The following PPFIA2 variants were observed in gnomAD, a reference collection of about 807,000 sequenced individuals.
PPFIA2 encodes the protein liprin-alpha-2.
A neutral mutation model predicts 175.5 loss-of-function variants in PPFIA2; 46 were observed. The observed-to-expected ratio is 0.26, with a 90% CI of 0.21 to 0.34. PPFIA2 has a LOEUF of 0.34. Ranked by LOEUF, PPFIA2 falls within the 10% of genes least tolerant of loss-of-function variation. PPFIA2 has a pLI of 1.00. For synonymous variants in PPFIA2, 568 were observed against 511.4 expected, an observed-to-expected ratio of 1.11 and a Z score of -1.49; for missense variants, 1,179 against 1,506.1, an observed-to-expected ratio of 0.78 and a Z score of 3.60.
chr12:81,591,885 C>A (rs890834622), intron 4 of PPFIA2, among the ~76,000 whole-genome samples: 1 of 151,876 alleles, frequency 6.6e-6, no homozygotes, highest in Admixed American at 6.6e-5. Context: ...TACTGGGGAA[C>A]CACCATTGCT....
intron 6 of PPFIA2, among the ~76,000 whole-genome samples, chr12:81,445,213 G>C (rs796700822): frequency 6.0e-5 from 8 of 132,666 alleles, no homozygotes; most frequent in Non-Finnish European, 9.6e-5. Context: ...AGGTGGGGGG[G>C]GGGGAGGGGG....
chr12:81,284,421 C>G, intron 24 of PPFIA2, 118 bp from the exon 25 acceptor site: 1 of 724,220 alleles, frequency 1.4e-6, no homozygotes, highest in Non-Finnish European at 2.4e-6. Flanking sequence ...TGCCCTTGCC[C>G]CTACCGTGTG....
chr12:81,691,127 G>C (rs915820913), intron 3 of PPFIA2, among the ~76,000 whole-genome samples: 7 of 152,032 alleles, frequency 4.6e-5, no homozygotes, highest in Admixed American at 1.3e-4. Flanking sequence ...CTACCACAAG[G>C]GGTAATTAAA....
At chr12:81,594,682 G>A (rs1882532) in intron 4 of PPFIA2, among the ~76,000 whole-genome samples, 134,408 of 152,134 alleles carry the variant, frequency 0.88, 59,492 homozygotes, top group East Asian at 1. Context: ...TGGGAGGCCA[G>A]TGTTGGAGGA....
intron 3 of PPFIA2, among the ~76,000 whole-genome samples, chr12:81,697,519 A>AATATG (rs1469656059): frequency 6.6e-6 from 1 of 152,130 alleles, no homozygotes; most frequent in Non-Finnish European, 1.5e-5. Flanking sequence ...CAGCTAAAAA[A>AATATG]TCTATACAGG....
intron 3 of PPFIA2, among the ~76,000 whole-genome samples, chr12:81,698,283 G>A (rs1241822435): frequency 1.3e-5 from 2 of 152,100 alleles, no homozygotes; most frequent in African/African-American, 4.8e-5. Flanking sequence ...GTAAAACCAT[G>A]AGGGTTTTGT....
intron 3 of PPFIA2, among the ~76,000 whole-genome samples, chr12:81,705,214 C>G (rs1286981784): frequency 1.3e-5 from 2 of 150,656 alleles, no homozygotes; most frequent in Non-Finnish European, 3.0e-5. Flanking sequence ...GTTTGGGAGG[C>G]CGAGGCGGGC....
chr12:81,458,263 C>T (rs539127986), intron 4 of PPFIA2, among the ~76,000 whole-genome samples: 5 of 151,766 alleles, frequency 3.3e-5, no homozygotes, highest in South Asian at 2.1e-4. Context: ...TCAGAACAAC[C>T]GCAAAAAACC....
chr12:81,341,314 A>G (rs1268324336), intron 19 of PPFIA2, 106 bp from the exon 20 acceptor site: 52 of 1,130,856 alleles, frequency 4.6e-5, no homozygotes, highest in Non-Finnish European at 6.1e-5. Flanking sequence ...TTTTAATACA[A>G]AATAAAACAA....
intron 4 of PPFIA2, among the ~76,000 whole-genome samples, chr12:81,513,941 C>T (rs1594293962): frequency 6.6e-6 from 1 of 152,010 alleles, no homozygotes; most frequent in African/African-American, 2.4e-5. Flanking sequence ...AATTAAACTG[C>T]ATTGCTCTAC....
chr12:81,367,955 G>A lies in PPFIA2; in HGVS notation c.1482+770C>T, dbSNP rs948605980. 3.4e-5 allele frequency: 15 copies of A among 442,950 alleles called. 1 individual carries two copies. The highest frequency in any genetic ancestry group is 1.5e-4 in the South Asian group (8 of 52,460). 27.4% of individuals were successfully genotyped at this position (442,950 alleles called of 1,614,324 possible). On this transcript the variant is annotated intron_variant, in intron 13 of 32. Transcript: ENST00000549396. Reference sequence around the variant, plus strand: ...AGTCATGTCTTATTACTTTCTAATGGGTAAATTAATCAAACTAACTTTTTG... The same window carrying A: ...AGTCATGTCTTATTACTTTCTAATGAGTAAATTAATCAAACTAACTTTTTG...
At chr12:81,301,252 T>C (rs1277999309) in intron 22 of PPFIA2, among the ~76,000 whole-genome samples, 2 of 152,002 alleles carry the variant, frequency 1.3e-5, no homozygotes, top group Non-Finnish European at 2.9e-5. Flanking sequence ...AGTTAATGCA[T>C]GTTGTAAGAG....
In PPFIA2 at chr12:81,676,852, G is replaced by T. The variant is rs754065496; in HGVS notation, c.250-8C>A. 1.3e-6 allele frequency: 2 copies of T among 1,575,598 alleles called. No individual in the cohort carries two copies. The highest frequency in any genetic ancestry group is 1.9e-5 in the Admixed American group (1 of 53,964). Reference sequence around the variant, plus strand: ...TGTTAGGGATTCGATATCCTGAAAAGGGGAGAGGTGTTGATTGTAAAGTGC... The same window carrying T: ...TGTTAGGGATTCGATATCCTGAAAATGGGAGAGGTGTTGATTGTAAAGTGC... On this transcript the variant is annotated splice_region_variant and splice_polypyrimidine_tract_variant and intron_variant, in intron 3 of 32. Transcript: ENST00000549396.
At chr12:81,533,133 G>C (rs2064835334) in intron 4 of PPFIA2, among the ~76,000 whole-genome samples, 1 of 151,496 alleles carries the variant, frequency 6.6e-6, no homozygotes, top group South Asian at 2.1e-4. Context: ...GTAGAAGAAA[G>C]GGATTTAATA....
intron 4 of PPFIA2, among the ~76,000 whole-genome samples, chr12:81,648,686 T>A (rs1473691007): frequency 1.3e-5 from 2 of 151,956 alleles, no homozygotes; most frequent in Non-Finnish European, 2.9e-5. Context: ...TGAAGGCCTT[T>A]ATTAAGTAAA....
chr12:81,586,186 T>C (rs1459329220), intron 4 of PPFIA2, among the ~76,000 whole-genome samples: 2 of 152,042 alleles, frequency 1.3e-5, no homozygotes, highest in African/African-American at 2.4e-5. Context: ...ATGTTTTCTA[T>C]GAATCATGTG....
chr12:81,346,608 C>A (rs917365350), intron 18 of PPFIA2, among the ~76,000 whole-genome samples: 22 of 151,080 alleles, frequency 1.5e-4, no homozygotes, highest in African/African-American at 5.1e-4. Flanking sequence ...AGGCTTCCAT[C>A]TTCTAATCCC....
At position 81,642,776 on chromosome 12, in the gene PPFIA2, G is replaced by C. The variant is rs57515729; in HGVS notation, c.303+34015C>G. 3.4e-4 allele frequency among the ~76,000 whole-genome samples: 2 copies of C among 5,882 alleles called. 1 individual carries two copies. Among genetic ancestry groups the C allele is most frequent in the Non-Finnish European group, 5.3e-4 (2 of 3,772 alleles). 3.9% of individuals were successfully genotyped at this position (5,882 alleles called of 152,430 possible). On this transcript the variant is annotated intron_variant, in intron 4 of 32. Coordinates refer to ENST00000549396, the MANE Select transcript of PPFIA2 (RefSeq NM_003625.5). ...TATACATACATGTATATGTATGTATGTATTATATACATACATGTATATGTA... is the reference window on the plus strand; with the variant it reads ...TATACATACATGTATATGTATGTATCTATTATATACATACATGTATATGTA...
chr12:81,386,393 G>A (rs906602469), intron 8 of PPFIA2, among the ~76,000 whole-genome samples: 1 of 151,910 alleles, frequency 6.6e-6, no homozygotes, highest in African/African-American at 2.4e-5. Flanking sequence ...GGAAGCTGGG[G>A]TGGGAGGATC....
Sources: allele counts gnomAD v4.1 joint callset (sites outside exome capture counted in the v4.1 genomes callset), GRCh38; gene constraint gnomAD v4.1.1; transcripts MANE v1.5; gene names NCBI Gene and HGNC (gene_info 2026-07-23, HGNC 2026-07-21).